The following SULT1C4 variants were observed in gnomAD, a reference collection of about 807,000 sequenced individuals.
SULT1C4 encodes the protein sulfotransferase family 1C member 4, also known as sulfotransferase 1C4.
A neutral mutation model predicts 34.8 loss-of-function variants in SULT1C4; 32 were observed. The ratio of observed to expected loss-of-function variants is 0.92; its 90% CI spans 0.69 to 1.23. SULT1C4 has a LOEUF of 1.23. SULT1C4 is among the 50% of genes most tolerant of loss of function. The pLI is 0.00. For synonymous variants in SULT1C4, 111 were observed against 120.5 expected (o/e 0.92, Z 0.51); for missense variants, 375 against 365.9 (o/e 1.02, Z -0.20).
chr2:108,378,184 C>T lies in SULT1C4; in HGVS notation c.-154C>T, dbSNP rs548375087. On this transcript the variant is annotated 5_prime_UTR_variant, in exon 1 of 7. Transcript: ENST00000272452. ...CCTGAGTCGGGAGGCCTGCAACTCA[C>T]TTTCTCCCTGTTTGCTGGCCCAGAC... 1.2e-5 allele frequency: 8 copies of T among 643,684 alleles called. No homozygotes were observed. In the East Asian group the frequency reaches 1.7e-4, roughly 13 times the overall value. 39.9% of individuals were successfully genotyped at this position (643,684 alleles called of 1,614,324 possible).
At chr2:108,382,976 GA>G in intron 3 of SULT1C4, 116 bp from the exon 4 acceptor site, 1 of 718,630 alleles carries the variant, frequency 1.4e-6, no homozygotes, top group Non-Finnish European at 1.9e-6. Flanking sequence ...CAGAAAAAAT[GA>G]ACTGTATGAA....
chr2:108,383,651 A>C (rs532321174), intron 5 of SULT1C4, 141 bp downstream of exon 5: 6 of 664,712 alleles, frequency 9.0e-6, no homozygotes, highest in South Asian at 2.3e-5. Flanking sequence ...CATTTGTCAA[A>C]GTGCACATGG....
At chr2:108,385,827 GT>G in intron 5 of SULT1C4, among the ~76,000 whole-genome samples, 1 of 152,288 alleles carries the variant, frequency 6.6e-6, no homozygotes, top group South Asian at 2.1e-4. Flanking sequence ...AGCTTCCTCT[GT>G]GTCAGGTCTT....
chr2:108,383,868 TG>T (rs1162486545), intron 5 of SULT1C4, among the ~76,000 whole-genome samples: 3 of 147,700 alleles, frequency 2.0e-5, no homozygotes, highest in African/African-American at 8.0e-5. Context: ...TTTTTGTTTT[TG>T]TTTTTGTTTT....
chr2:108,380,100 T>C (rs1239286487), intron 1 of SULT1C4, among the ~76,000 whole-genome samples: 1 of 152,230 alleles, frequency 6.6e-6, no homozygotes, highest in Non-Finnish European at 1.5e-5. Context: ...TAATTTAATT[T>C]TTTTCTAACC....
chr2:108,384,609 C>T (rs898122117), intron 5 of SULT1C4, among the ~76,000 whole-genome samples: 5 of 152,180 alleles, frequency 3.3e-5, no homozygotes, highest in African/African-American at 1.2e-4. Flanking sequence ...CAAGTTCTGT[C>T]AATTCTTGGT....
chr2:108,382,673 A>G (rs1678441464), intron 3 of SULT1C4, 191 bp downstream of exon 3: 1 of 556,686 alleles, frequency 1.8e-6, no homozygotes, highest in Non-Finnish European at 3.2e-6. Context: ...GGAGACTGAG[A>G]TGGGTGGATC....
At chr2:108,384,733 T>A (rs1678524250) in intron 5 of SULT1C4, among the ~76,000 whole-genome samples, 1 of 152,236 alleles carries the variant, frequency 6.6e-6, no homozygotes, top group Non-Finnish European at 1.5e-5. Flanking sequence ...CAGTGGATGT[T>A]TATTGTAAAT....
In SULT1C4 at chr2:108,383,500, A is replaced by T. The variant is rs542725288; in HGVS notation, c.605A>T (p.Asp202Val). 2 of 1,613,984 alleles carry T rather than the reference A, an allele frequency of 1.2e-6. No homozygotes were observed. The highest frequency in any genetic ancestry group is 1.1e-5 in the South Asian group (1 of 91,032). The change falls in exon 5 of 7, where the codon GAC becomes GTC. Residue 202 changes from aspartate to valine, a missense_variant. By Grantham distance (152) the Asp-to-Val change is radical. Coordinates refer to ENST00000272452, the MANE Select transcript of SULT1C4 (RefSeq NM_006588.4). ...CGTATTCTCTATCTCTTCTATGAGGACATGAAGAAGGTGAGCACAGTGCCA... is the reference window on the plus strand; with the variant it reads ...CGTATTCTCTATCTCTTCTATGAGGTCATGAAGAAGGTGAGCACAGTGCCA... ...KHRILYLFYE[D>V]MKKNPKHEIQ...
Position 108,382,495 on chromosome 2 carries a change from A to C in SULT1C4, c.393+13A>C. ...GAAAAACTGTAAGGTAAAAAAGCAA[A>C]AGGAATTCAGAGTTGTACTCCTTAA... On this transcript the variant is annotated intron_variant, in intron 3 of 6. Coordinates refer to ENST00000272452, the MANE Select transcript of SULT1C4 (RefSeq NM_006588.4). 1.2e-6 allele frequency: 2 copies of C among 1,610,958 alleles called. No homozygotes were observed. The highest frequency in any genetic ancestry group is 1.7e-6 in the Non-Finnish European group (2 of 1,177,168).
chr2:108,379,252 C>T (rs1411449834), intron 1 of SULT1C4, among the ~76,000 whole-genome samples: 2 of 152,164 alleles, frequency 1.3e-5, no homozygotes, highest in African/African-American at 4.8e-5. Context: ...AACACACACA[C>T]ATCAAAAAAT....
In SULT1C4 at chr2:108,382,386, T is replaced by A; in HGVS notation, c.297T>A (p.Gly99=). ...ATTGATCGAAAACCAGTTTTGCAGG[T>A]TTGGAACAAGCTCATGCAATGCCCT... ...LEMKIPSLGS[G]LEQAHAMPSP... is the part of the protein sequence containing the mutation. Residue 99 remains glycine (G), a splice_region_variant and synonymous_variant, in exon 3 of 7, where the codon GGT becomes GGA. Coordinates refer to ENST00000272452, the MANE Select transcript of SULT1C4 (RefSeq NM_006588.4). The A allele has an allele frequency of 6.2e-7, 1 of 1,612,490 alleles. No homozygotes were observed. The highest frequency in any genetic ancestry group is 8.5e-7 in the Non-Finnish European group (1 of 1,179,476).
Position 108,381,813 on chromosome 2 carries a change from TG to T in SULT1C4, c.223del (p.Glu75ArgfsTer17), listed in dbSNP as rs1476353425. ...GAATTAATACAAAATGAAGGTGATG[TG>T]GAGAAAAGTAAACGGGCACCGACTC... ...IVELIQNEGD[V>X]EKSKRAPTHQ... is the part of the protein sequence containing the mutation. On this transcript the variant is annotated frameshift_variant, in exon 2 of 7. Transcript: ENST00000272452. LOFTEE classifies it high-confidence loss of function. The T allele has an allele frequency of 1.3e-6, 2 of 1,496,370 alleles. No individual in the cohort carries two copies. The highest frequency in any genetic ancestry group is 1.4e-5 in the South Asian group (1 of 69,540). 92.7% of individuals were successfully genotyped at this position (1,496,370 alleles called of 1,614,324 possible). A position where few individuals can be genotyped will look rare whatever the true frequency, so the allele number is the denominator to read the frequency against.
intron 2 of SULT1C4, 142 bp from the exon 3 acceptor site, chr2:108,382,243 A>T: frequency 1.4e-6 from 1 of 733,868 alleles, no homozygotes; most frequent in Non-Finnish European, 2.4e-6. Flanking sequence ...CATAGGCTAG[A>T]CGTATTCTCT....
rs553878679 is a variant in SULT1C4 at position 108,382,631 on chromosome 2, C to T, written c.393+149C>T. The T allele has an allele frequency of 4.0e-4, 272 of 674,056 alleles. 1 individual carries two copies. Among genetic ancestry groups the T allele is most frequent in the South Asian group, 2.0e-3 (104 of 51,268 alleles). The allele number at this position is 674,056 out of a possible 1,614,324, so 41.8% of individuals were successfully genotyped here. ...AATTAATATGAATCCTAGCCAGGCA[C>T]GTTGGCTCATGCCTGTAATCACAGC... On this transcript the variant is annotated intron_variant, in intron 3 of 6. Transcript: ENST00000272452.
rs1348157924 is a variant in SULT1C4, at chr2:108,388,586, C to A, written c.*1154C>A. Among the ~76,000 whole-genome samples, 1 of 152,086 alleles carries A rather than the reference C, an allele frequency of 6.6e-6. No homozygotes were observed. The highest frequency in any genetic ancestry group is 6.5e-5 in the Admixed American group (1 of 15,268). ...TTAAAAAGACTCTTATTATGTTGTT[C>A]CTTAGCTCAAAATCCTTCAATGGCT... On this transcript the variant is annotated 3_prime_UTR_variant, in exon 7 of 7. Transcript: ENST00000272452.
At chr2:108,384,798 A>G (rs1290002760) in intron 5 of SULT1C4, among the ~76,000 whole-genome samples, 1 of 152,154 alleles carries the variant, frequency 6.6e-6, no homozygotes, top group African/African-American at 2.4e-5. Context: ...ATCTATACAG[A>G]ATTACAGTGT....
chr2:108,381,749 A>G lies in SULT1C4; in HGVS notation c.170-13A>G, dbSNP rs774101092. 1.5e-5 allele frequency: 20 copies of G among 1,372,196 alleles called. No individual in the cohort carries two copies. In the South Asian group the frequency reaches 3.0e-4, roughly 20 times the overall value. 85.0% of individuals were successfully genotyped at this position (1,372,196 alleles called of 1,614,324 possible). On this transcript the variant is annotated splice_polypyrimidine_tract_variant and intron_variant, in intron 1 of 6. Transcript: ENST00000272452. ...CTAGATGTCTATTCATCTTCATTTT[A>G]CGTGCACGTAAGGAACAACATGGAC...
In SULT1C4 at chr2:108,387,545, C is replaced by T. The variant is rs17036301; in HGVS notation, c.*113C>T. ...AGATTCCAGTTATCAGAATAGTTTA[C>T]TGTGTTTGCTCTTATTCACTCTACT... On this transcript the variant is annotated 3_prime_UTR_variant, in exon 7 of 7. Coordinates refer to ENST00000272452, the MANE Select transcript of SULT1C4 (RefSeq NM_006588.4). The T allele has an allele frequency of 0.033, 24,546 of 752,814 alleles. 1,562 individuals are homozygous for T. Among genetic ancestry groups the T allele is most frequent in the African/African-American group, 0.22 (12,316 of 55,848 alleles). 46.6% of individuals were successfully genotyped at this position (752,814 alleles called of 1,614,324 possible).
Sources: gnomAD v4.1 joint callset for allele counts (sites outside exome capture counted in the v4.1 genomes callset) on GRCh38, gnomAD v4.1.1 for gene constraint, MANE v1.5 for transcripts, NCBI Gene and HGNC (gene_info 2026-07-23, HGNC 2026-07-21) for gene names.